The following NCOA3 variants were observed in gnomAD, a reference collection of about 807,000 sequenced individuals.
NCOA3 encodes nuclear receptor coactivator 3, also known as CBP-interacting protein.
NCOA3 carries 51 observed loss-of-function variants against 158.8 expected under a neutral mutation model. That is an observed-to-expected ratio of 0.32 (90% CI 0.26 to 0.41). The LOEUF is 0.41. NCOA3 is among the 10% of genes least tolerant of loss of function. The pLI is 1.00. For missense variants in NCOA3, 1,510 were observed against 1,746.6 expected (o/e 0.86, Z 2.41); for synonymous variants, 537 against 592.4 (o/e 0.91, Z 1.36).
intron 2 of NCOA3, among the ~76,000 whole-genome samples, chr20:47,591,203 A>G (rs1012732754): frequency 3.3e-5 from 5 of 152,240 alleles, no homozygotes; most frequent in African/African-American, 4.8e-5. Context: ...ATTTAGTCCT[A>G]TGCAGTTAAT....
chr20:47,594,664 C>CAAAAAAAAAAAAAAAAAAAAAAAA (rs377014290), intron 2 of NCOA3, among the ~76,000 whole-genome samples: 1 of 72,942 alleles, frequency 1.4e-5, no homozygotes, highest in Non-Finnish European at 2.5e-5. Flanking sequence ...GACTCTGTCT[C>CAAAAAAAAAAAAAAAAAAAAAAAA]AAAAAAAAAA....
intron 1 of NCOA3, among the ~76,000 whole-genome samples, chr20:47,568,489 T>C (rs1052908789): frequency 2.6e-5 from 4 of 152,164 alleles, no homozygotes; most frequent in Admixed American, 2.6e-4. Context: ...AAAGAAACAA[T>C]GTATATACCT....
chr20:47,594,664 C>CAAAAAAAAAAAAAAAAA (rs377014290), intron 2 of NCOA3, among the ~76,000 whole-genome samples: 4 of 72,942 alleles, frequency 5.5e-5, no homozygotes, highest in Non-Finnish European at 7.4e-5. Flanking sequence ...GACTCTGTCT[C>CAAAAAAAAAAAAAAAAA]AAAAAAAAAA....
intron 1 of NCOA3, among the ~76,000 whole-genome samples, chr20:47,506,118 T>G (rs1410878836): frequency 1.3e-5 from 2 of 152,140 alleles, no homozygotes; most frequent in Non-Finnish European, 2.9e-5. Context: ...TTTCTCCCAT[T>G]TTATGAGTGC....
intron 8 of NCOA3, among the ~76,000 whole-genome samples, chr20:47,629,733 T>C: frequency 6.6e-6 from 1 of 152,260 alleles, no homozygotes; most frequent in Admixed American, 6.5e-5. Context: ...AGAGTGAGTC[T>C]TTCTCTGCAC....
intron 2 of NCOA3, among the ~76,000 whole-genome samples, chr20:47,593,018 C>G (rs1310897287): frequency 6.6e-6 from 1 of 152,132 alleles, no homozygotes; most frequent in Non-Finnish European, 1.5e-5. Flanking sequence ...ACTACAATCT[C>G]TGCCTCCCAG....
chr20:47,617,509 A>G (rs2086159054), intron 2 of NCOA3, among the ~76,000 whole-genome samples: 2 of 152,082 alleles, frequency 1.3e-5, no homozygotes, highest in African/African-American at 2.4e-5. Flanking sequence ...ATCTAGATCT[A>G]TTGTGTCTGT....
chr20:47,651,190 C>T lies in NCOA3; in HGVS notation c.3860C>T (p.Thr1287Ile). The T allele has an allele frequency of 6.2e-7, 1 of 1,614,110 alleles. No homozygotes were observed. The highest frequency in any genetic ancestry group is 8.5e-7 in the Non-Finnish European group (1 of 1,179,996). Residue 1287 changes from threonine to isoleucine, a missense_variant, in exon 20 of 23, where the codon ACT becomes ATT. Coordinates refer to ENST00000371998, the MANE Select transcript of NCOA3 (RefSeq NM_181659.3). The part of the protein sequence containing the change: ...TQAFSPPPNV[T>I]ASPSMDGLLA... The stretch of plus-strand genomic sequence containing the variant: ...GCCTTCAGCCCACCTCCTAATGTGA[C>T]TGCTTCCCCCAGCATGGATGGGCTT...
At chr20:47,507,301 A>C (rs918702245) in intron 1 of NCOA3, among the ~76,000 whole-genome samples, 3 of 152,198 alleles carry the variant, frequency 2.0e-5, no homozygotes, top group African/African-American at 7.2e-5. Flanking sequence ...TTATTGTAAC[A>C]ATTTGACAAG....
At chr20:47,600,897 T>C (rs189413880) in intron 2 of NCOA3, among the ~76,000 whole-genome samples, 15 of 151,574 alleles carry the variant, frequency 9.9e-5, no homozygotes, top group African/African-American at 3.6e-4. Context: ...CTGTAAAAGG[T>C]AATTTATTTT....
At chr20:47,588,404 G>T (rs1191582334) in intron 2 of NCOA3, among the ~76,000 whole-genome samples, 4 of 148,374 alleles carry the variant, frequency 2.7e-5, no homozygotes, top group Admixed American at 2.7e-4. Context: ...CAAGGTGCTG[G>T]GATTACAGGA....
intron 1 of NCOA3, among the ~76,000 whole-genome samples, chr20:47,517,451 C>CTTTTTTTTTTTTTTT (rs376699406): frequency 3.1e-5 from 4 of 129,276 alleles, no homozygotes; most frequent in East Asian, 2.2e-4. Context: ...TTTTCTTTTT[C>CTTTTTTTTTTTTTTT]TTTTTTTTTT....
At chr20:47,625,343 T>G in intron 4 of NCOA3, 38 bp from the exon 5 acceptor site, 1 of 1,353,820 alleles carries the variant, frequency 7.4e-7, no homozygotes, top group Non-Finnish European at 1.1e-6. Flanking sequence ...CTATAACTGA[T>G]AGTGTGTTAT....
intron 17 of NCOA3, among the ~76,000 whole-genome samples, chr20:47,643,318 A>C (rs938632883): frequency 6.6e-6 from 1 of 152,236 alleles, no homozygotes; most frequent in African/African-American, 2.4e-5. Context: ...TGTTGGGGAA[A>C]TAGATGTGTA....
intron 1 of NCOA3, among the ~76,000 whole-genome samples, chr20:47,519,872 C>T (rs765984451): frequency 4.6e-5 from 7 of 151,936 alleles, no homozygotes; most frequent in African/African-American, 7.3e-5. Context: ...AGAGATTCTC[C>T]TGCCTCAGCC....
chr20:47,554,534 A>G (rs1043064635), intron 1 of NCOA3, among the ~76,000 whole-genome samples: 2 of 139,568 alleles, frequency 1.4e-5, no homozygotes, highest in Admixed American at 7.0e-5. Context: ...TCAATGTGCA[A>G]AAATCACAAG....
intron 1 of NCOA3, among the ~76,000 whole-genome samples, chr20:47,538,530 A>C (rs991425886): frequency 2.0e-5 from 3 of 152,142 alleles, no homozygotes; most frequent in Non-Finnish European, 4.4e-5. Context: ...TTTCTTAAAT[A>C]ACCAGCATTA....
intron 1 of NCOA3, among the ~76,000 whole-genome samples, chr20:47,546,018 A>G (rs903033271): frequency 1.3e-5 from 2 of 152,212 alleles, no homozygotes; most frequent in East Asian, 1.9e-4. Flanking sequence ...CCAGGCCTGT[A>G]TATTGTTTAT....
intron 1 of NCOA3, among the ~76,000 whole-genome samples, chr20:47,572,149 T>A (rs2085304438): frequency 6.6e-6 from 1 of 152,238 alleles, no homozygotes; most frequent in Non-Finnish European, 1.5e-5. Context: ...AGTTATGGTC[T>A]TGCTTTGGCT....
Sources: gnomAD v4.1 joint callset for allele counts (sites outside exome capture counted in the v4.1 genomes callset) on GRCh38, gnomAD v4.1.1 for gene constraint, MANE v1.5 for transcripts, NCBI Gene and HGNC (gene_info 2026-07-23, HGNC 2026-07-21) for gene names.